Variants in EYS observed in about 807,000 individuals in gnomAD.
EYS encodes EGF-like photoreceptor maintenance factor, also known as protein eyes shut homolog.
EYS carries 250 observed loss-of-function variants against 282.1 expected under a neutral mutation model. That is an observed-to-expected ratio of 0.89 (90% confidence interval 0.80 to 0.98). The LOEUF (loss-of-function observed/expected upper bound fraction) is 0.98. Ranked by LOEUF, EYS falls within the 50% of genes least tolerant of loss-of-function variation. The probability of loss-of-function intolerance (pLI) is 0.00; values close to 1 mark genes in which losing one functional copy is unlikely to be tolerated. For missense variants in EYS, 4,016 were observed against 3,709.0 expected (o/e 1.08, Z -2.15); for synonymous variants, 1,355 against 1,282.9 (o/e 1.06, Z -1.20).
rs534533495 is a variant in EYS at position 65,668,203 on chromosome 6, T to C, written c.-447-28311A>G. Among the ~76,000 whole-genome samples, 21 of 152,040 alleles carry C rather than the reference T, an allele frequency of 1.4e-4. No individual in the cohort carries two copies. In the South Asian group the frequency reaches 3.7e-3, roughly 27 times the overall value. ...ACTGTGAATCTTAGTCTTACTTGAA[T>C]CAATGATTAGTAGAAATCACTGTTG... On this transcript the variant is annotated intron_variant, in intron 1 of 42. Transcript: ENST00000503581.
chr6:65,312,935 C>A (rs1769199401), intron 11 of EYS, among the ~76,000 whole-genome samples: 1 of 152,176 alleles, frequency 6.6e-6, no homozygotes, highest in South Asian at 2.1e-4. Flanking sequence ...ATTATCACTG[C>A]GTTGTCACTT....
intron 41 of EYS, among the ~76,000 whole-genome samples, chr6:63,733,573 G>A (rs1214529493): frequency 1.3e-5 from 2 of 152,116 alleles, no homozygotes; most frequent in Non-Finnish European, 2.9e-5. Flanking sequence ...ATTTGCTTAC[G>A]ATAATGGCCT....
intron 24 of EYS, among the ~76,000 whole-genome samples, chr6:64,616,017 G>T (rs1403605969): frequency 6.6e-6 from 1 of 151,952 alleles, no homozygotes; most frequent in African/African-American, 2.4e-5. Context: ...TATTTCACAT[G>T]TGAAAGAACA....
intron 26 of EYS, among the ~76,000 whole-genome samples, chr6:64,470,913 T>C (rs568722741): frequency 1.2e-4 from 19 of 152,232 alleles, no homozygotes; most frequent in African/African-American, 4.6e-4. Context: ...GAAAACCTAT[T>C]TAACAAAATT....
At chr6:63,881,765 T>G (rs891364221) in intron 35 of EYS, among the ~76,000 whole-genome samples, 5 of 152,192 alleles carry the variant, frequency 3.3e-5, no homozygotes, top group African/African-American at 1.2e-4. Flanking sequence ...GCATATATTT[T>G]ATCTACATTA....
chr6:65,647,053 T>C (rs1372402053), intron 1 of EYS, among the ~76,000 whole-genome samples: 4 of 152,138 alleles, frequency 2.6e-5, no homozygotes, highest in African/African-American at 4.8e-5. Context: ...GCTCATCTCA[T>C]GGGTAGAATC....
intron 26 of EYS, among the ~76,000 whole-genome samples, chr6:64,478,387 GA>G (rs1403099715): frequency 6.6e-6 from 1 of 151,304 alleles, no homozygotes; most frequent in Non-Finnish European, 1.5e-5. Flanking sequence ...TGAATGGATG[GA>G]AAAAATAATT....
chr6:64,912,390 C>A, intron 16 of EYS, 94 bp downstream of exon 16: 2 of 1,140,160 alleles, frequency 1.8e-6, no homozygotes. Context: ...ATTTTTCCAA[C>A]CCATTTTAGG....
At chr6:65,466,707 C>T (rs1660783314) in intron 5 of EYS, among the ~76,000 whole-genome samples, 1 of 152,104 alleles carries the variant, frequency 6.6e-6, no homozygotes, top group Admixed American at 6.6e-5. Context: ...TTGAATGGCA[C>T]TTGGACAGGG....
intron 26 of EYS, among the ~76,000 whole-genome samples, chr6:64,514,952 T>C (rs1407420094): frequency 6.6e-6 from 1 of 151,818 alleles, no homozygotes; most frequent in Non-Finnish European, 1.5e-5. Context: ...TATAAACGTG[T>C]AAGACTCTTC....
chr6:65,412,649 TTGTATTTTTTGTCTATTA>T (rs1460612424), intron 5 of EYS, among the ~76,000 whole-genome samples: 4 of 152,120 alleles, frequency 2.6e-5, no homozygotes, highest in Non-Finnish European at 4.4e-5. Flanking sequence ...AATTTTCTCC[TTGTATTTTTTGTCTATTA>T]TTTATTGAGA....
intron 5 of EYS, among the ~76,000 whole-genome samples, chr6:65,448,582 A>G (rs1764279144): frequency 6.6e-6 from 1 of 152,056 alleles, no homozygotes; most frequent in Non-Finnish European, 1.5e-5. Flanking sequence ...GCCTTCAAAG[A>G]TAAACACAAT....
chr6:64,579,082 C>T (rs1393268967), intron 26 of EYS, among the ~76,000 whole-genome samples: 1 of 152,062 alleles, frequency 6.6e-6, no homozygotes, highest in African/African-American at 2.4e-5. Context: ...TCCTCATTCG[C>T]AGAATTAGGT....
chr6:65,589,400 A>T (rs1434970444), intron 2 of EYS, among the ~76,000 whole-genome samples: 1 of 151,962 alleles, frequency 6.6e-6, no homozygotes, highest in Non-Finnish European at 1.5e-5. Flanking sequence ...CCTCCAGTTG[A>T]AATTTTACTT....
intron 36 of EYS, among the ~76,000 whole-genome samples, chr6:63,814,175 CT>C (rs986944358): frequency 6.6e-6 from 1 of 152,204 alleles, no homozygotes; most frequent in Non-Finnish European, 1.5e-5. Flanking sequence ...CACTTTCACA[CT>C]GTTCAGCATT....
chr6:65,487,325 CTTA>C (rs1765825908), intron 5 of EYS, among the ~76,000 whole-genome samples: 1 of 152,084 alleles, frequency 6.6e-6, no homozygotes. Context: ...ATAAATAGCT[CTTA>C]TTATGTTGAC....
At chr6:64,346,523 AG>A (rs1425622924) in intron 29 of EYS, among the ~76,000 whole-genome samples, 1 of 150,840 alleles carries the variant, frequency 6.6e-6, no homozygotes, top group African/African-American at 2.4e-5. Flanking sequence ...GGGTACAGGA[AG>A]GGGAACATCA....
intron 15 of EYS, among the ~76,000 whole-genome samples, chr6:64,945,102 G>A (rs1309540361): frequency 6.8e-6 from 1 of 147,912 alleles, no homozygotes; most frequent in Non-Finnish European, 1.5e-5. Flanking sequence ...CCGGTCCCCT[G>A]GGCCCACTGT....
intron 33 of EYS, among the ~76,000 whole-genome samples, chr6:64,014,562 A>G (rs905427158): frequency 6.6e-6 from 1 of 152,176 alleles, no homozygotes; most frequent in Non-Finnish European, 1.5e-5. Flanking sequence ...TATTAAAAAT[A>G]TGAAGAGAGA....
Sources: gnomAD v4.1 joint callset for allele counts (sites outside exome capture counted in the v4.1 genomes callset) on GRCh38, gnomAD v4.1.1 for gene constraint, MANE v1.5 for transcripts, NCBI Gene and HGNC (gene_info 2026-07-23, HGNC 2026-07-21) for gene names.